Variants in DCDC2 observed in about 807,000 individuals in gnomAD.
DCDC2 encodes the protein doublecortin domain containing 2, also known as doublecortin domain-containing protein 2.
In DCDC2, 40 loss-of-function variants were observed where a neutral mutation model predicts 50.2. The observed-to-expected ratio is 0.80, with a 90% CI of 0.62 to 1.04. The LOEUF is 1.04. DCDC2 is among the 50% of genes least tolerant of loss of function. The pLI is 0.00. For synonymous variants in DCDC2, 234 were observed against 210.6 expected, an observed-to-expected ratio of 1.11 and a Z score of -0.96; for missense variants, 570 against 581.9, an observed-to-expected ratio of 0.98 and a Z score of 0.21.
At chr6:24,353,218 T>C in intron 2 of DCDC2, 1 of 458,116 alleles carries the variant, frequency 2.2e-6, no homozygotes, top group South Asian at 1.6e-5. Flanking sequence ...AGAGGCACAT[T>C]AGGATGAGGA....
chr6:24,302,975 A>T (rs1303740719), intron 2 of DCDC2, among the ~76,000 whole-genome samples: 2 of 151,740 alleles, frequency 1.3e-5, no homozygotes, highest in Non-Finnish European at 2.9e-5. Context: ...TTCCCTCCAC[A>T]ACTCACCTCA....
intron 2 of DCDC2, among the ~76,000 whole-genome samples, chr6:24,306,543 T>TAGATAGACAGAC (rs1209633765): frequency 0.032 from 3,662 of 115,416 alleles, 72 homozygotes; most frequent in South Asian, 0.053. Context: ...GATAGATAGA[T>TAGATAGACAGAC]AGACAGACAG....
At chr6:24,304,169 G>C (rs1355088402) in intron 2 of DCDC2, among the ~76,000 whole-genome samples, 2 of 152,184 alleles carry the variant, frequency 1.3e-5, no homozygotes, top group African/African-American at 4.8e-5. Context: ...ATCACATTAA[G>C]TGACGCTGAC....
At chr6:24,233,689 C>T (rs531051592) in intron 7 of DCDC2, among the ~76,000 whole-genome samples, 6 of 152,000 alleles carry the variant, frequency 3.9e-5, no homozygotes, top group African/African-American at 1.4e-4. Context: ...GGAAAGGAGC[C>T]AAAAAGAAGT....
chr6:24,180,407 C>G (rs1761044897), intron 8 of DCDC2, among the ~76,000 whole-genome samples: 2 of 152,082 alleles, frequency 1.3e-5, no homozygotes, highest in Admixed American at 1.3e-4. Context: ...GCCTCAGCCC[C>G]CCGAGTAGCT....
chr6:24,275,182 T>C (rs888135044), intron 7 of DCDC2, among the ~76,000 whole-genome samples: 2 of 152,150 alleles, frequency 1.3e-5, no homozygotes, highest in African/African-American at 4.8e-5. Context: ...CTAAAATATA[T>C]GACATTAAAG....
At chr6:24,243,543 C>T (rs1762607737) in intron 7 of DCDC2, among the ~76,000 whole-genome samples, 2 of 151,922 alleles carry the variant, frequency 1.3e-5, no homozygotes, top group East Asian at 1.9e-4. Flanking sequence ...TGAGTGTTAG[C>T]TATTGTTATT....
intron 8 of DCDC2, among the ~76,000 whole-genome samples, chr6:24,199,570 A>T (rs539419435): frequency 3.3e-5 from 5 of 152,212 alleles, no homozygotes; most frequent in Non-Finnish European, 7.3e-5. Flanking sequence ...CCAGTAAAAA[A>T]GGCTGAAAAT....
chr6:24,238,843 C>T (rs1762507567), intron 7 of DCDC2, among the ~76,000 whole-genome samples: 1 of 152,156 alleles, frequency 6.6e-6, no homozygotes, highest in Non-Finnish European at 1.5e-5. Context: ...TATAGGGCAA[C>T]ACAAGAAGGG....
At chr6:24,263,762 AAG>A (rs772934125) in intron 7 of DCDC2, among the ~76,000 whole-genome samples, 1 of 152,224 alleles carries the variant, frequency 6.6e-6, no homozygotes, top group African/African-American at 2.4e-5. Context: ...GGGCAAATCT[AAG>A]AGTTATTGGC....
At chr6:24,180,670 G>A (rs1041511734) in intron 8 of DCDC2, among the ~76,000 whole-genome samples, 1 of 151,918 alleles carries the variant, frequency 6.6e-6, no homozygotes, top group Non-Finnish European at 1.5e-5. Flanking sequence ...ACCTGACATT[G>A]GACAGGTCAC....
At chr6:24,223,922 C>G (rs974524040) in intron 7 of DCDC2, among the ~76,000 whole-genome samples, 3 of 152,190 alleles carry the variant, frequency 2.0e-5, no homozygotes, top group Non-Finnish European at 4.4e-5. Context: ...CGAGCTTTCC[C>G]ATCAATGGGA....
At chr6:24,205,653 A>G (rs1481618212) in intron 7 of DCDC2, among the ~76,000 whole-genome samples, 1 of 152,212 alleles carries the variant, frequency 6.6e-6, no homozygotes, top group Non-Finnish European at 1.5e-5. Flanking sequence ...GCAGATCTCC[A>G]CAAGATTTTC....
intron 8 of DCDC2, among the ~76,000 whole-genome samples, chr6:24,195,829 G>A (rs957847919): frequency 1.3e-5 from 2 of 152,172 alleles, no homozygotes; most frequent in Non-Finnish European, 2.9e-5. Flanking sequence ...CTAAAGAGAT[G>A]GTCCAGAACA....
At chr6:24,282,391 C>T (rs1036231610) in intron 6 of DCDC2, among the ~76,000 whole-genome samples, 4 of 152,098 alleles carry the variant, frequency 2.6e-5, no homozygotes, top group Admixed American at 6.6e-5. Flanking sequence ...TACAGGCACC[C>T]GCCACCACAC....
chr6:24,254,279 TAAC>T (rs1762850139), intron 7 of DCDC2, among the ~76,000 whole-genome samples: 1 of 152,178 alleles, frequency 6.6e-6, no homozygotes, highest in African/African-American at 2.4e-5. Flanking sequence ...CAGTCTAAAA[TAAC>T]AATAAAAATA....
intron 7 of DCDC2, among the ~76,000 whole-genome samples, chr6:24,249,538 T>A (rs531177789): frequency 1.3e-5 from 2 of 152,210 alleles, no homozygotes; most frequent in Non-Finnish European, 2.9e-5. Context: ...CAGCGATGCA[T>A]TGGTTGCACA....
chr6:24,340,039 A>T (rs958315757), intron 2 of DCDC2, among the ~76,000 whole-genome samples: 3 of 152,218 alleles, frequency 2.0e-5, no homozygotes, highest in African/African-American at 2.4e-5. Flanking sequence ...AAAATGCTGA[A>T]AATTCCCAGT....
intron 7 of DCDC2, among the ~76,000 whole-genome samples, chr6:24,235,644 A>G (rs1762428378): frequency 6.6e-6 from 1 of 152,224 alleles, no homozygotes; most frequent in Non-Finnish European, 1.5e-5. Flanking sequence ...TCAAAGAAAC[A>G]TACCTCAAAA....
Sources: gnomAD v4.1 joint callset for allele counts (sites outside exome capture counted in the v4.1 genomes callset) on GRCh38, gnomAD v4.1.1 for gene constraint, MANE v1.5 for transcripts, NCBI Gene and HGNC (gene_info 2026-07-23, HGNC 2026-07-21) for gene names.